Variants in ADGRF5 observed in about 807,000 individuals in gnomAD.
ADGRF5 encodes the protein G-protein coupled receptor 116.
Under a neutral mutation model 132.3 loss-of-function variants are expected in ADGRF5, and 75 were observed. The ratio of observed to expected loss-of-function variants is 0.57; its 90% CI spans 0.47 to 0.69. The LOEUF (loss-of-function observed/expected upper bound fraction) is 0.69, where lower values mean the gene tolerates loss of function less well. Among genes scored for constraint, ADGRF5 ranks in the 30% least tolerant of loss-of-function variants. The probability of loss-of-function intolerance (pLI) is 0.00; values close to 1 mark genes in which losing one functional copy is unlikely to be tolerated. For synonymous variants in ADGRF5, 629 were observed against 597.6 expected, an observed-to-expected ratio of 1.05 and a Z score of -0.77; for missense variants, 1,516 against 1,630.6, an observed-to-expected ratio of 0.93 and a Z score of 1.21.
In ADGRF5 at chr6:46,853,100, A is replaced by G. The variant is rs1174232268; in HGVS notation, c.*892T>C. The G allele has an allele frequency of 6.6e-6, 1 of 152,640 alleles. No homozygotes were observed. Among genetic ancestry groups the G allele is most frequent in the African/African-American group, 2.4e-5 (1 of 41,460 alleles). The allele number at this position is 152,640 out of a possible 1,614,324, so 9.5% of individuals were successfully genotyped here. On this transcript the variant is annotated 3_prime_UTR_variant, in exon 21 of 21. Coordinates refer to ENST00000283296, the MANE Select transcript of ADGRF5 (RefSeq NM_001098518.2). ...TTCAAAATGTGGAACAAACTAAAAT[A>G]TAAGGCTTTTCTGATAAACTATAAA...
intron 1 of ADGRF5, among the ~76,000 whole-genome samples, chr6:46,928,560 C>A (rs1293532053): frequency 6.6e-6 from 1 of 152,158 alleles, no homozygotes; most frequent in East Asian, 1.9e-4. Flanking sequence ...CTCTTCCCTT[C>A]TTCCCTGTAA....
At chr6:46,904,018 A>G (rs2150890446) in intron 2 of ADGRF5, among the ~76,000 whole-genome samples, 1 of 152,304 alleles carries the variant, frequency 6.6e-6, no homozygotes, top group African/African-American at 2.4e-5. Context: ...GCTTCCACTC[A>G]GACCTGACAT....
At chr6:46,946,687 T>A (rs1263017061) in intron 1 of ADGRF5, among the ~76,000 whole-genome samples, 1 of 152,020 alleles carries the variant, frequency 6.6e-6, no homozygotes, top group African/African-American at 2.4e-5. Context: ...CCTCTTCCCT[T>A]GGGACAAAAC....
intron 1 of ADGRF5, among the ~76,000 whole-genome samples, chr6:46,948,228 CA>C (rs1778369816): frequency 6.6e-6 from 1 of 152,152 alleles, no homozygotes; most frequent in African/African-American, 2.4e-5. Flanking sequence ...GGAGACTTGA[CA>C]GTAAATATTT....
chr6:46,954,117 C>G (rs1010882838), intron 1 of ADGRF5, among the ~76,000 whole-genome samples: 6 of 152,064 alleles, frequency 3.9e-5, no homozygotes, highest in Admixed American at 2.0e-4. Context: ...CACAAGCCTC[C>G]GAGACATCCC....
At chr6:46,943,978 C>A (rs1283047130) in intron 1 of ADGRF5, among the ~76,000 whole-genome samples, 1 of 152,144 alleles carries the variant, frequency 6.6e-6, no homozygotes, top group Non-Finnish European at 1.5e-5. Flanking sequence ...CAGGGAGGGA[C>A]CCTTCTGCCA....
intron 1 of ADGRF5, among the ~76,000 whole-genome samples, chr6:46,940,839 A>G (rs1350358621): frequency 6.6e-6 from 1 of 152,252 alleles, no homozygotes; most frequent in African/African-American, 2.4e-5. Context: ...TACAGAAATA[A>G]CTAAAAGTTA....
Position 46,860,705 on chromosome 6 carries a change from G to A in ADGRF5, c.2379+10C>T. 6.2e-7 allele frequency: 1 copy of A among 1,606,448 alleles called. No individual in the cohort carries two copies. Among genetic ancestry groups the A allele is most frequent in the Non-Finnish European group, 8.5e-7 (1 of 1,174,088 alleles). ...GACCCAAAACTCCTGCAAAGGTTAA[G>A]CAAACTCACCGTCATCATTTCTGAA... On this transcript the variant is annotated intron_variant, in intron 16 of 20. Transcript: ENST00000283296.
intron 4 of ADGRF5, chr6:46,886,867 C>T (rs1773117761): frequency 6.6e-6 from 1 of 152,196 alleles, no homozygotes; most frequent in Non-Finnish European, 1.5e-5. Flanking sequence ...ATTGAAGTAT[C>T]CACTTTTGTC....
chr6:46,881,373 G>T (rs1772441151), intron 8 of ADGRF5, 82 bp downstream of exon 8: 5 of 1,234,484 alleles, frequency 4.1e-6, no homozygotes, highest in African/African-American at 1.5e-5. Context: ...TAGCTTCCCA[G>T]AGGACATTGT....
chr6:46,894,993 A>G (rs573543805), intron 3 of ADGRF5, among the ~76,000 whole-genome samples: 1 of 152,192 alleles, frequency 6.6e-6, no homozygotes, highest in Non-Finnish European at 1.5e-5. Flanking sequence ...CCTGGCCAAC[A>G]CAGTGAAACC....
At chr6:46,854,748 T>C (rs1436719605) in intron 20 of ADGRF5, 1 of 1,287,042 alleles carries the variant, frequency 7.8e-7, no homozygotes, top group South Asian at 1.2e-5. Context: ...GCTAACAAGG[T>C]TTCCGTCATG....
At chr6:46,935,919 T>TC (rs2150939340) in intron 1 of ADGRF5, among the ~76,000 whole-genome samples, 1 of 152,174 alleles carries the variant, frequency 6.6e-6, no homozygotes, top group Admixed American at 6.5e-5. Context: ...GGTGAAGGCG[T>TC]CCTCCGGAAT....
chr6:46,852,809 T>C lies in ADGRF5; in HGVS notation c.*1183A>G, dbSNP rs1237230052. ...AAACACAATTTAGACCATGCAAAACTCTTAATGTATATTGGTCTGGGAACT... is the reference window on the plus strand; with the variant it reads ...AAACACAATTTAGACCATGCAAAACCCTTAATGTATATTGGTCTGGGAACT... On this transcript the variant is annotated 3_prime_UTR_variant, in exon 21 of 21. Coordinates refer to ENST00000283296, the MANE Select transcript of ADGRF5 (RefSeq NM_001098518.2). 2 of 152,040 alleles carry C rather than the reference T, an allele frequency of 1.3e-5. No individual in the cohort carries two copies. Among genetic ancestry groups the C allele is most frequent in the African/African-American group, 2.4e-5 (1 of 41,120 alleles). The allele number at this position is 152,040 out of a possible 1,614,324, so 9.4% of individuals were successfully genotyped here.
At chr6:46,863,431 G>T in intron 14 of ADGRF5, 1 of 406,524 alleles carries the variant, frequency 2.5e-6, no homozygotes, top group Non-Finnish European at 4.8e-6. Flanking sequence ...AATCGTCAGA[G>T]CGGGATTTAG....
chr6:46,952,236 TGCCA>T lies in ADGRF5; in HGVS notation c.-25+2494_-25+2497del, dbSNP rs1180765849. Among the ~76,000 whole-genome samples, 14 of 152,362 alleles carry T rather than the reference TGCCA, an allele frequency of 9.2e-5. No homozygotes were observed. The East Asian group carries it at 2.7e-3, about 29-fold the overall frequency. The stretch of plus-strand genomic sequence containing the variant: ...AGCTCTCGAGGCCTTTACTTGGATG[TGCCA>T]GCATTTGTTAGGGATCAAGCTTATT... On this transcript the variant is annotated intron_variant, in intron 1 of 20. Transcript: ENST00000265417.
chr6:46,946,541 ATTGTT>A (rs1778308801), intron 1 of ADGRF5, among the ~76,000 whole-genome samples: 1 of 152,164 alleles, frequency 6.6e-6, no homozygotes, highest in South Asian at 2.1e-4. Flanking sequence ...TTCTGCTCCT[ATTGTT>A]TTAAGATGAG....
Position 46,852,646 on chromosome 6 carries a change from C to G in ADGRF5, c.*1346G>C, listed in dbSNP as rs897917383. ...TAATGAAATACACACCAAAAAAAAG[C>G]ACACATGCAGATAATTCACAAACAA... On this transcript the variant is annotated 3_prime_UTR_variant, in exon 21 of 21. Coordinates refer to ENST00000283296, the MANE Select transcript of ADGRF5 (RefSeq NM_001098518.2). The G allele has an allele frequency of 1.3e-5, 2 of 150,822 alleles. No individual in the cohort carries two copies. The highest frequency in any genetic ancestry group is 2.9e-5 in the Non-Finnish European group (2 of 68,022). The allele number at this position is 150,822 out of a possible 1,614,324, so 9.3% of individuals were successfully genotyped here.
At chr6:46,954,441 A>G (rs1201841494) in intron 1 of ADGRF5, among the ~76,000 whole-genome samples, 1 of 152,088 alleles carries the variant, frequency 6.6e-6, no homozygotes, top group African/African-American at 2.4e-5. Flanking sequence ...AAGCCAAAAA[A>G]AAAAAAAAAC....
Sources: allele counts gnomAD v4.1 joint callset (sites outside exome capture counted in the v4.1 genomes callset), GRCh38; gene constraint gnomAD v4.1.1; transcripts MANE v1.5; gene names NCBI Gene and HGNC (gene_info 2026-07-23, HGNC 2026-07-21).